The following FKBP14 variants were observed in gnomAD, a reference collection of about 807,000 sequenced individuals.
The protein encoded by FKBP14 is peptidyl-prolyl cis-trans isomerase FKBP14.
Under a neutral mutation model 21.6 loss-of-function variants are expected in FKBP14, and 20 were observed. That is an observed-to-expected ratio of 0.92 (90% confidence interval 0.65 to 1.34). The LOEUF is 1.34. Among genes scored for constraint, FKBP14 ranks in the 40% most tolerant of loss-of-function variants. FKBP14 has a pLI of 0.00. For missense variants in FKBP14, 253 were observed against 249.0 expected, an observed-to-expected ratio of 1.02 and a Z score of -0.11; for synonymous variants, 79 against 86.7, an observed-to-expected ratio of 0.91 and a Z score of 0.49.
At position 30,012,565 on chromosome 7, in the gene FKBP14, A is replaced by C. The variant is rs188998675; in HGVS notation, c.*2170T>G. On this transcript the variant is annotated 3_prime_UTR_variant, in exon 4 of 4. Transcript: ENST00000222803. ...AGTCTTGTTAAGAACTTTATGTTTT[A>C]CTGAGGAAAATGTCAACATATAATC... 1.8e-4 allele frequency: 27 copies of C among 152,336 alleles called. No homozygotes were observed. The highest frequency in any genetic ancestry group is 3.4e-3 in the Middle Eastern group (1 of 294). The allele number at this position is 152,336 out of a possible 1,614,324, so 9.4% of individuals were successfully genotyped here.
intron 1 of FKBP14, among the ~76,000 whole-genome samples, chr7:30,024,356 T>A (rs894225030): frequency 1.3e-5 from 2 of 152,232 alleles, no homozygotes; most frequent in Non-Finnish European, 2.9e-5. Flanking sequence ...TCCCATAGGC[T>A]ATGGTTCTAG....
chr7:30,022,987 C>A lies in FKBP14; in HGVS notation c.198-171G>T, dbSNP rs1763726553. On this transcript the variant is annotated intron_variant, in intron 1 of 3. Transcript: ENST00000222803. ...CCTCCAAGTCAAGTTTATAGGAATT[C>A]AATTCACTGCCCATCTTTCTTGATG... 4.6e-5 allele frequency among the ~76,000 whole-genome samples: 7 copies of A among 152,178 alleles called. No homozygotes were observed. In the South Asian group the frequency reaches 1.4e-3, roughly 31 times the overall value.
intron 2 of FKBP14, among the ~76,000 whole-genome samples, chr7:30,020,002 GAAACAAAC>G (rs377064781): frequency 2.0e-5 from 3 of 151,986 alleles, no homozygotes; most frequent in East Asian, 1.9e-4. Context: ...CCAGGAACCT[GAAACAAAC>G]AAACAAACAA....
At chr7:30,018,274 G>A (rs966350011) in intron 3 of FKBP14, among the ~76,000 whole-genome samples, 3 of 152,178 alleles carry the variant, frequency 2.0e-5, no homozygotes, top group African/African-American at 7.2e-5. Context: ...AGCATAGAAA[G>A]GGACTTGATA....
rs1260302984 is a variant in FKBP14, at chr7:30,011,422, C to T, written c.*3313G>A. ...AGTCTACAGTAGTGTACAGTAATGTCCTAGGCCTTTACATTCACTCACCAC... is the reference window on the plus strand; with the variant it reads ...AGTCTACAGTAGTGTACAGTAATGTTCTAGGCCTTTACATTCACTCACCAC... On this transcript the variant is annotated 3_prime_UTR_variant, in exon 4 of 4. Coordinates refer to ENST00000222803, the MANE Select transcript of FKBP14 (RefSeq NM_017946.4). The T allele has an allele frequency of 2.7e-5, 4 of 150,864 alleles. No homozygotes were observed. Among genetic ancestry groups the T allele is most frequent in the Admixed American group, 2.0e-4 (3 of 15,098 alleles). The allele number at this position is 150,864 out of a possible 1,614,324, so 9.3% of individuals were successfully genotyped here.
chr7:30,019,484 A>G (rs1351333637), intron 2 of FKBP14, among the ~76,000 whole-genome samples: 1 of 152,122 alleles, frequency 6.6e-6, no homozygotes, highest in East Asian at 1.9e-4. Flanking sequence ...GGTTTTAGAT[A>G]ATTCGGAGTT....
chr7:30,024,188 G>A (rs1790110977), intron 1 of FKBP14, among the ~76,000 whole-genome samples: 1 of 152,122 alleles, frequency 6.6e-6, no homozygotes, highest in Non-Finnish European at 1.5e-5. Context: ...TCTGGGTAAT[G>A]CCATTTTTTC....
At chr7:30,016,241 T>C (rs146740898) in intron 3 of FKBP14, among the ~76,000 whole-genome samples, 1 of 152,070 alleles carries the variant, frequency 6.6e-6, no homozygotes. Context: ...AATAGTGGCA[T>C]CTTTGACTTG....
Position 30,019,131 on chromosome 7 carries a change from G to C in FKBP14, c.350-8C>G, listed in dbSNP as rs368867118. ...TTTCTGGGGGAATTTTACCTGACGT[G>C]AGGAAAGAAGGCAGAAAGTTTTAAA... On this transcript the variant is annotated splice_polypyrimidine_tract_variant and splice_region_variant and intron_variant, in intron 2 of 3. Transcript: ENST00000222803. 3.8e-6 allele frequency: 6 copies of C among 1,561,346 alleles called. No individual in the cohort carries two copies. Among genetic ancestry groups the C allele is most frequent in the Non-Finnish European group, 5.2e-6 (6 of 1,163,814 alleles).
At chr7:30,008,873 G>A (rs1789663524), downstream of FKBP14, among the ~76,000 whole-genome samples, 1 of 151,918 alleles carries the variant, frequency 6.6e-6, no homozygotes, top group African/African-American at 2.4e-5. Context: ...GCTGAGGCAG[G>A]AGAATGGCAT....
chr7:30,014,887 C>T lies in FKBP14; in HGVS notation c.484G>A (p.Ala162Thr), dbSNP rs1047276283. 1 of 1,578,984 alleles carries T rather than the reference C, an allele frequency of 6.3e-7. No homozygotes were observed. Among genetic ancestry groups the T allele is most frequent in the Non-Finnish European group, 8.6e-7 (1 of 1,167,436 alleles). The change falls in exon 4 of 4, where the codon GCA (alanine) becomes ACA (threonine). Residue 162 changes from alanine to threonine, a missense_variant. Coordinates refer to ENST00000222803, the MANE Select transcript of FKBP14 (RefSeq NM_017946.4). ...DWKLSKDEVK[A>T]YLKKEFEKHG... ...TTTTCAAACTCCTTCTTTAAATATG[C>T]TTTAACCTACAAAATAACAGATCCC... is the stretch of plus-strand genomic sequence containing the variant.
Position 30,014,700 on chromosome 7 carries a change from AAGATG to A in FKBP14, c.*30_*34del. On this transcript the variant is annotated 3_prime_UTR_variant, in exon 4 of 4. Coordinates refer to ENST00000222803, the MANE Select transcript of FKBP14 (RefSeq NM_017946.4). ...TTTAAAGATGACTGCCCTCTCTTGA[AAGATG>A]AGTGCTATATTAAAAGGGTAGATGT... is the stretch of plus-strand genomic sequence containing the variant. 6 of 1,331,202 alleles carry A rather than the reference AAGATG, an allele frequency of 4.5e-6. No individual in the cohort carries two copies. The highest frequency in any genetic ancestry group is 5.9e-6 in the Non-Finnish European group (6 of 1,015,008). 82.5% of individuals were successfully genotyped at this position (1,331,202 alleles called of 1,614,324 possible).
At chr7:30,017,516 C>T (rs1789920361) in intron 3 of FKBP14, among the ~76,000 whole-genome samples, 1 of 151,754 alleles carries the variant, frequency 6.6e-6, no homozygotes, top group African/African-American at 2.4e-5. Context: ...CTGCAGTGAG[C>T]TGAGATCGCA....
At chr7:30,023,960 G>A (rs79520449) in intron 1 of FKBP14, among the ~76,000 whole-genome samples, 5 of 152,114 alleles carry the variant, frequency 3.3e-5, no homozygotes, top group Admixed American at 1.3e-4. Flanking sequence ...AACTGGGGAC[G>A]AGGGAAATAG....
downstream of FKBP14, among the ~76,000 whole-genome samples, chr7:30,006,272 C>T (rs924336839): frequency 3.9e-4 from 59 of 151,902 alleles, no homozygotes; most frequent in African/African-American, 1.4e-3. Flanking sequence ...CAGACATACA[C>T]CATGATGCCT....
At chr7:30,023,337 G>C (rs1445627467) in intron 1 of FKBP14, among the ~76,000 whole-genome samples, 1 of 152,178 alleles carries the variant, frequency 6.6e-6, no homozygotes, top group African/African-American at 2.4e-5. Context: ...GAGATTGAAA[G>C]GCTAAGGAGA....
chr7:30,018,591 T>C (rs1789951211), intron 3 of FKBP14, among the ~76,000 whole-genome samples: 1 of 152,266 alleles, frequency 6.6e-6, no homozygotes, highest in Non-Finnish European at 1.5e-5. Flanking sequence ...ACAGCCAGTC[T>C]ACAGTTTTAA....
chr7:30,022,215 T>TA (rs1583733735), intron 2 of FKBP14, among the ~76,000 whole-genome samples: 2 of 152,190 alleles, frequency 1.3e-5, no homozygotes, highest in African/African-American at 4.8e-5. Context: ...TCCAAACACT[T>TA]ACGTTAATGG....
chr7:30,006,297 A>G (rs1054599283), downstream of FKBP14, among the ~76,000 whole-genome samples: 1 of 151,678 alleles, frequency 6.6e-6, no homozygotes, highest in Admixed American at 6.6e-5. Context: ...AGTTTTTTAA[A>G]TAATTTTTTT....
Sources: gnomAD v4.1 joint callset for allele counts (sites outside exome capture counted in the v4.1 genomes callset) on GRCh38, gnomAD v4.1.1 for gene constraint, MANE v1.5 for transcripts, NCBI Gene and HGNC (gene_info 2026-07-23, HGNC 2026-07-21) for gene names.